Variants in ASB3 observed in about 807,000 individuals in gnomAD.
The protein encoded by ASB3 is ankyrin repeat and SOCS box containing 3.
A neutral mutation model predicts 54.5 loss-of-function variants in ASB3; 41 were observed. The ratio of observed to expected loss-of-function variants is 0.75; its 90% CI spans 0.59 to 0.98. ASB3 has a LOEUF of 0.98. Ranked by LOEUF, ASB3 falls within the 50% of genes least tolerant of loss-of-function variation. ASB3 has a pLI of 0.00. For synonymous variants in ASB3, 266 were observed against 221.2 expected, an observed-to-expected ratio of 1.20 and a Z score of -1.80; for missense variants, 733 against 620.0, an observed-to-expected ratio of 1.18 and a Z score of -1.94.
intron 3 of ASB3, among the ~76,000 whole-genome samples, chr2:53,732,808 G>A (rs1358167635): frequency 6.6e-6 from 1 of 152,148 alleles, no homozygotes; most frequent in Non-Finnish European, 1.5e-5. Flanking sequence ...TACTAATTGA[G>A]AAATCGTGGT....
intron 5 of ASB3, among the ~76,000 whole-genome samples, chr2:53,721,997 A>T (rs1670739817): frequency 6.6e-6 from 1 of 152,106 alleles, no homozygotes; most frequent in Non-Finnish European, 1.5e-5. Context: ...TGAAACAACA[A>T]AGTTGACATT....
intron 5 of ASB3, among the ~76,000 whole-genome samples, chr2:53,722,218 T>C (rs1447868958): frequency 6.7e-6 from 1 of 149,562 alleles, no homozygotes; most frequent in Non-Finnish European, 1.5e-5. Context: ...CTGGACCACA[T>C]GAATTCACAG....
chr2:53,693,846 A>G, intron 9 of ASB3, 38 bp downstream of exon 9: 1 of 1,590,740 alleles, frequency 6.3e-7, no homozygotes, highest in Non-Finnish European at 8.6e-7. Context: ...AAGAGAAGGA[A>G]AAGTAGTGAA....
At chr2:53,726,257 A>ATTTT (rs35225840) in intron 5 of ASB3, among the ~76,000 whole-genome samples, 27 of 135,488 alleles carry the variant, frequency 2.0e-4, no homozygotes, top group African/African-American at 5.5e-4. Flanking sequence ...TTTAATCTAA[A>ATTTT]TTTTTTTTTT....
intron 7 of ASB3, among the ~76,000 whole-genome samples, chr2:53,703,800 A>G (rs925015870): frequency 6.6e-6 from 1 of 152,232 alleles, no homozygotes. Context: ...GAAGTCTTTT[A>G]GCCATTAACA....
chr2:53,720,313 CATATGTTGCCA>C, intron 5 of ASB3, among the ~76,000 whole-genome samples: 1 of 152,302 alleles, frequency 6.6e-6, no homozygotes, highest in South Asian at 2.1e-4. Context: ...CCACTTTGGG[CATATGTTGCCA>C]GGACCTCCTG....
intron 7 of ASB3, among the ~76,000 whole-genome samples, chr2:53,709,022 G>A (rs1669945447): frequency 6.6e-6 from 1 of 152,246 alleles, no homozygotes; most frequent in African/African-American, 2.4e-5. Flanking sequence ...GCAGACTTCA[G>A]AAATTTGCAT....
chr2:53,719,046 G>T (rs752901578), intron 5 of ASB3, among the ~76,000 whole-genome samples: 1 of 152,024 alleles, frequency 6.6e-6, no homozygotes, highest in Non-Finnish European at 1.5e-5. Flanking sequence ...TCAGCCTCCC[G>T]AGTAGCTGGG....
At chr2:53,675,538 A>C (rs889564596) in intron 9 of ASB3, among the ~76,000 whole-genome samples, 1 of 152,180 alleles carries the variant, frequency 6.6e-6, no homozygotes, top group African/African-American at 2.4e-5. Flanking sequence ...ATGTAGCTGA[A>C]ATAAGGTCTA....
At chr2:53,743,484 T>C (rs906259362) in intron 3 of ASB3, among the ~76,000 whole-genome samples, 1 of 152,182 alleles carries the variant, frequency 6.6e-6, no homozygotes, top group Non-Finnish European at 1.5e-5. Context: ...AGTTAAATGA[T>C]GCATTTAAGA....
intron 5 of ASB3, among the ~76,000 whole-genome samples, chr2:53,727,189 AT>A (rs1671050425): frequency 6.6e-6 from 1 of 152,218 alleles, no homozygotes; most frequent in South Asian, 2.1e-4. Flanking sequence ...TGAACAGATA[AT>A]TTTGGGGATT....
intron 5 of ASB3, among the ~76,000 whole-genome samples, chr2:53,722,112 C>G (rs1158100580): frequency 6.6e-6 from 1 of 151,730 alleles, no homozygotes; most frequent in Admixed American, 6.6e-5. Context: ...CACACAATCT[C>G]TCAAGACTGA....
chr2:53,716,122 G>T (rs937270021), intron 6 of ASB3, among the ~76,000 whole-genome samples: 1 of 152,138 alleles, frequency 6.6e-6, no homozygotes, highest in South Asian at 2.1e-4. Context: ...ATCAAGAAAA[G>T]TTCAGTCAAA....
chr2:53,737,929 T>C (rs919261393), intron 3 of ASB3, among the ~76,000 whole-genome samples: 1 of 152,098 alleles, frequency 6.6e-6, no homozygotes, highest in African/African-American at 2.4e-5. Flanking sequence ...GAAAAATGAT[T>C]TAAAACCTAA....
chr2:53,716,101 T>C (rs1431020580), intron 6 of ASB3, among the ~76,000 whole-genome samples: 1 of 152,132 alleles, frequency 6.6e-6, no homozygotes, highest in African/African-American at 2.4e-5. Context: ...CTCTCTCCAA[T>C]TTGAGGTTAG....
intron 3 of ASB3, among the ~76,000 whole-genome samples, chr2:53,742,495 G>A (rs55984218): frequency 2.0e-5 from 3 of 152,036 alleles, no homozygotes; most frequent in African/African-American, 4.8e-5. Flanking sequence ...AAGGAAAATT[G>A]TAGCTAAATC....
At chr2:53,775,505 C>T (rs1310189828) in intron 1 of ASB3, among the ~76,000 whole-genome samples, 1 of 152,144 alleles carries the variant, frequency 6.6e-6, no homozygotes, top group Non-Finnish European at 1.5e-5. Context: ...GACGGAGTAT[C>T]GCTCTGTTGC....
intron 7 of ASB3, among the ~76,000 whole-genome samples, chr2:53,703,886 TAAAATTTTTAAA>T: frequency 6.6e-6 from 1 of 152,188 alleles, no homozygotes; most frequent in Non-Finnish European, 1.5e-5. Context: ...GCTATAAAAA[TAAAATTTTTAAA>T]CTTATACCAT....
chr2:53,736,102 G>C (rs1671613485), intron 3 of ASB3, among the ~76,000 whole-genome samples: 1 of 151,554 alleles, frequency 6.6e-6, no homozygotes, highest in African/African-American at 2.4e-5. Context: ...GGTAAATAGT[G>C]ATAAATTGGA....
Sources: allele counts gnomAD v4.1 joint callset (sites outside exome capture counted in the v4.1 genomes callset), GRCh38; gene constraint gnomAD v4.1.1; transcripts MANE v1.5; gene names NCBI Gene and HGNC (gene_info 2026-07-23, HGNC 2026-07-21).